Variants in SLC7A14 observed in about 807,000 individuals in gnomAD.
The protein encoded by SLC7A14 is gamma-aminobutyric acid transporter SLC7A14.
Under a neutral mutation model 60.2 loss-of-function variants are expected in SLC7A14, and 37 were observed. That is an observed-to-expected ratio of 0.61 (90% CI 0.47 to 0.81). The LOEUF (loss-of-function observed/expected upper bound fraction) is 0.81, where lower values mean the gene tolerates loss of function less well. SLC7A14 is among the 30% of genes least tolerant of loss of function. The pLI, the probability that SLC7A14 is intolerant of heterozygous loss-of-function variation, is 0.00. For synonymous variants in SLC7A14, 399 were observed against 395.8 expected (o/e 1.01, Z -0.10); for missense variants, 886 against 982.7 (o/e 0.90, Z 1.32).
rs1241949875 is a variant in SLC7A14, at chr3:170,498,873, C to T, written c.553G>A (p.Glu185Lys). The T allele has an allele frequency of 6.2e-7, 1 of 1,614,064 alleles. No individual in the cohort carries two copies. Among genetic ancestry groups the T allele is most frequent in the Non-Finnish European group, 8.5e-7 (1 of 1,180,014 alleles). Reference sequence around the variant, plus strand: ...AGAGCCAGAAGGTCTGGGTATGATTCTTCACCTTTCCCTAGAGAGGAAAGA... The same window carrying T: ...AGAGCCAGAAGGTCTGGGTATGATTTTTCACCTTTCCCTAGAGAGGAAAGA... ...GTLNGLGKGE[E>K]SYPDLLALLI... Residue 185 changes from glutamate to lysine, a missense_variant, in exon 4 of 8, where the codon GAA (glutamate) becomes AAA (lysine). Coordinates refer to ENST00000231706, the MANE Select transcript of SLC7A14 (RefSeq NM_020949.3).
chr3:170,496,685 G>A, intron 4 of SLC7A14: 1 of 1,022,136 alleles, frequency 9.8e-7, no homozygotes, highest in Non-Finnish European at 1.5e-6. Context: ...ACCACCAGCG[G>A]CTATGCAGGT....
At chr3:170,504,312 AT>A (rs1560261666) in intron 2 of SLC7A14, among the ~76,000 whole-genome samples, 1 of 151,988 alleles carries the variant, frequency 6.6e-6, no homozygotes, top group Non-Finnish European at 1.5e-5. Flanking sequence ...ATTTTATTTT[AT>A]TTTTTTAATT....
chr3:170,579,061 C>T (rs773795631), intron 1 of SLC7A14, among the ~76,000 whole-genome samples: 4 of 152,230 alleles, frequency 2.6e-5, no homozygotes, highest in Admixed American at 1.3e-4. Context: ...CTCTTTCCTA[C>T]TCCCTGAATC....
chr3:170,500,970 A>C, intron 3 of SLC7A14, 139 bp downstream of exon 3: 1 of 738,660 alleles, frequency 1.4e-6, no homozygotes, highest in South Asian at 1.8e-5. Flanking sequence ...TCATAGAGAA[A>C]GAATTACTTT....
chr3:170,465,970 C>A lies in SLC7A14; in HGVS notation c.*1085G>T, dbSNP rs1463241174. ...AAATACACCTCTGAAAGTGAGCTAG[C>A]CCCAAGGAATAAGGTTCAGAAGTGA... On this transcript the variant is annotated 3_prime_UTR_variant, in exon 8 of 8. Transcript: ENST00000231706. 1 of 152,092 alleles carries A rather than the reference C, an allele frequency of 6.6e-6. No homozygotes were observed. The highest frequency in any genetic ancestry group is 1.9e-4 in the East Asian group (1 of 5,196). The allele number at this position is 152,092 out of a possible 1,614,324, so 9.4% of individuals were successfully genotyped here.
At chr3:170,475,862 G>A (rs111653864) in intron 7 of SLC7A14, among the ~76,000 whole-genome samples, 7 of 152,062 alleles carry the variant, frequency 4.6e-5, no homozygotes, top group African/African-American at 1.7e-4. Context: ...ACAGGTGCCC[G>A]CCACCACGCC....
At chr3:170,584,715 G>A (rs1424083619) in intron 1 of SLC7A14, among the ~76,000 whole-genome samples, 1 of 152,160 alleles carries the variant, frequency 6.6e-6, no homozygotes, top group African/African-American at 2.4e-5. Flanking sequence ...TTTCAGCACC[G>A]CGGACAGCGC....
At chr3:170,563,242 T>A (rs1346611887) in intron 1 of SLC7A14, among the ~76,000 whole-genome samples, 4 of 152,042 alleles carry the variant, frequency 2.6e-5, no homozygotes, top group African/African-American at 9.7e-5. Flanking sequence ...AATACAATAT[T>A]TGCCACCATG....
At position 170,498,829 on chromosome 3, in the gene SLC7A14, C is replaced by A; in HGVS notation, c.597G>T (p.Val199=). 1 of 1,614,112 alleles carries A rather than the reference C, an allele frequency of 6.2e-7. No homozygotes were observed. Among genetic ancestry groups the A allele is most frequent in the Non-Finnish European group, 8.5e-7 (1 of 1,180,022 alleles). Reference sequence around the variant, plus strand: ...TCACCCCCAGAGCAACAATGATGGTCACGATGACCGCGATCAACAGAGCCA... The same window carrying A: ...TCACCCCCAGAGCAACAATGATGGTAACGATGACCGCGATCAACAGAGCCA... The part of the protein sequence containing the change: ...DLLALLIAVI[V]TIIVALGVKN... Residue 199 remains valine, a synonymous_variant, in exon 4 of 8, where the codon GTG becomes GTT. Coordinates refer to ENST00000231706, the MANE Select transcript of SLC7A14 (RefSeq NM_020949.3).
intron 2 of SLC7A14, among the ~76,000 whole-genome samples, chr3:170,507,216 A>C (rs987889550): frequency 3.3e-5 from 5 of 152,186 alleles, no homozygotes; most frequent in Non-Finnish European, 5.9e-5. Context: ...TGACTTTCTA[A>C]TTTCCTTCCT....
chr3:170,468,401 G>A (rs1488455262), intron 7 of SLC7A14, among the ~76,000 whole-genome samples: 6 of 151,932 alleles, frequency 3.9e-5, no homozygotes, highest in Admixed American at 3.3e-4. Flanking sequence ...GGGCTCAAGC[G>A]ATTCTCCTGC....
At chr3:170,491,594 T>G (rs1006743295) in intron 4 of SLC7A14, among the ~76,000 whole-genome samples, 1 of 152,038 alleles carries the variant, frequency 6.6e-6, no homozygotes, top group African/African-American at 2.4e-5. Context: ...TGAGAAGCTC[T>G]CATCCTGAGG....
chr3:170,515,319 C>CT (rs1392818139), intron 2 of SLC7A14, among the ~76,000 whole-genome samples: 3 of 96,040 alleles, frequency 3.1e-5, no homozygotes, highest in Non-Finnish European at 6.4e-5. Flanking sequence ...TCCGCCCCCC[C>CT]CAAAAAAAAA....
chr3:170,477,733 C>G (rs954119209), intron 7 of SLC7A14, among the ~76,000 whole-genome samples: 1 of 152,112 alleles, frequency 6.6e-6, no homozygotes, highest in Admixed American at 6.5e-5. Context: ...GTTTTTCTAA[C>G]CCAGGTGAAA....
intron 1 of SLC7A14, among the ~76,000 whole-genome samples, chr3:170,577,917 A>G (rs1715140930): frequency 6.6e-6 from 1 of 152,232 alleles, no homozygotes; most frequent in African/African-American, 2.4e-5. Flanking sequence ...AGGATTAATG[A>G]GAAGAAAACG....
chr3:170,475,799 G>A (rs930914917), intron 7 of SLC7A14, among the ~76,000 whole-genome samples: 11 of 151,970 alleles, frequency 7.2e-5, no homozygotes, highest in Admixed American at 5.2e-4. Context: ...TGTAACCTCC[G>A]CCTCCAGGGT....
chr3:170,531,991 G>T (rs941754003), intron 1 of SLC7A14, among the ~76,000 whole-genome samples: 7 of 152,176 alleles, frequency 4.6e-5, no homozygotes, highest in Non-Finnish European at 7.3e-5. Flanking sequence ...GCTAGAGACT[G>T]CCTTTGGAGG....
intron 2 of SLC7A14, among the ~76,000 whole-genome samples, chr3:170,511,586 G>C (rs1439731635): frequency 6.6e-6 from 1 of 152,146 alleles, no homozygotes; most frequent in Non-Finnish European, 1.5e-5. Flanking sequence ...CCTTCAGTGG[G>C]AGCTTAGGGC....
At chr3:170,486,417 T>C (rs74330815) in intron 4 of SLC7A14, 49 bp from the exon 5 acceptor site, 3 of 1,613,010 alleles carry the variant, frequency 1.9e-6, no homozygotes, top group South Asian at 1.1e-5. Flanking sequence ...GGGTGGCACC[T>C]GGGTCTTAAA....
Sources: gnomAD v4.1 joint callset for allele counts (sites outside exome capture counted in the v4.1 genomes callset) on GRCh38, gnomAD v4.1.1 for gene constraint, MANE v1.5 for transcripts, NCBI Gene and HGNC (gene_info 2026-07-23, HGNC 2026-07-21) for gene names.